Variants in ST6GALNAC3 observed in about 807,000 individuals in gnomAD.
ST6GALNAC3 encodes ST6 N-acetylgalactosaminide alpha-2,6-sialyltransferase 3, also known as alpha-N-acetylgalactosaminide alpha-2,6-sialyltransferase 3.
Under a neutral mutation model 32.7 loss-of-function variants are expected in ST6GALNAC3, and 25 were observed. The observed-to-expected ratio is 0.76, with a 90% CI of 0.56 to 1.07. The LOEUF is 1.07. ST6GALNAC3 is among the 50% of genes least tolerant of loss of function. The probability of loss-of-function intolerance (pLI) is 0.00; values close to 1 mark genes in which losing one functional copy is unlikely to be tolerated. For missense variants in ST6GALNAC3, 355 were observed against 382.4 expected (o/e 0.93, Z 0.60); for synonymous variants, 129 against 133.1 (o/e 0.97, Z 0.21).
intron 1 of ST6GALNAC3, among the ~76,000 whole-genome samples, chr1:76,208,418 C>T (rs1257091827): frequency 1.3e-5 from 2 of 152,200 alleles, no homozygotes; most frequent in African/African-American, 4.8e-5. Context: ...AGATTAAAGT[C>T]TATGAAAAGA....
intron 3 of ST6GALNAC3, among the ~76,000 whole-genome samples, chr1:76,446,803 C>T (rs916855514): frequency 6.6e-6 from 1 of 152,154 alleles, no homozygotes; most frequent in Non-Finnish European, 1.5e-5. Context: ...TTGATTTGCT[C>T]CTCCTTGCCT....
intron 1 of ST6GALNAC3, among the ~76,000 whole-genome samples, chr1:76,172,950 A>T (rs1343440823): frequency 6.6e-6 from 1 of 152,168 alleles, no homozygotes; most frequent in Non-Finnish European, 1.5e-5. Flanking sequence ...CTATCAAACT[A>T]CCATTGATAT....
At chr1:76,125,542 T>G (rs184432053) in intron 1 of ST6GALNAC3, among the ~76,000 whole-genome samples, 1 of 152,214 alleles carries the variant, frequency 6.6e-6, no homozygotes, top group African/African-American at 2.4e-5. Context: ...CTTTTTTAAC[T>G]GGCAGGGCAA....
Position 76,351,919 on chromosome 1 carries a change from A to T in ST6GALNAC3, c.213+37920A>T, listed in dbSNP as rs150075073. On this transcript the variant is annotated intron_variant, in intron 2 of 4. Coordinates refer to ENST00000328299, the MANE Select transcript of ST6GALNAC3 (RefSeq NM_152996.4). ...CTCATCCCCTGGGATGTGAAAATTC[A>T]TGTTGAGGAGGTTGGGGTGGGGGAA... is the stretch of plus-strand genomic sequence containing the variant. 3.1e-3 allele frequency among the ~76,000 whole-genome samples: 466 copies of T among 152,232 alleles called. 3 individuals carry two copies. The highest frequency in any genetic ancestry group is 0.01 in the African/African-American group (428 of 41,562).
chr1:76,611,973 A>G (rs933731139), intron 3 of ST6GALNAC3, among the ~76,000 whole-genome samples: 2 of 152,240 alleles, frequency 1.3e-5, no homozygotes, highest in African/African-American at 2.4e-5. Flanking sequence ...TCTCAGTTCC[A>G]ACACCTCACA....
At chr1:76,093,916 G>C (rs1046561996) in intron 1 of ST6GALNAC3, among the ~76,000 whole-genome samples, 4 of 152,198 alleles carry the variant, frequency 2.6e-5, no homozygotes, top group Admixed American at 2.6e-4. Context: ...GCTGCTGTGG[G>C]TTACCTTTCA....
intron 1 of ST6GALNAC3, among the ~76,000 whole-genome samples, chr1:76,183,868 ATATATG>A (rs955361911): frequency 4.1e-5 from 6 of 146,516 alleles, no homozygotes; most frequent in African/African-American, 1.5e-4. Flanking sequence ...ATATATATAT[ATATATG>A]TATGTTACTG....
intron 1 of ST6GALNAC3, among the ~76,000 whole-genome samples, chr1:76,278,377 A>G (rs1441029142): frequency 6.6e-6 from 1 of 151,932 alleles, no homozygotes; most frequent in African/African-American, 2.4e-5. Context: ...GCCCGCCACC[A>G]TGCCCAGCTA....
chr1:76,246,586 C>T (rs1657271942), intron 1 of ST6GALNAC3, among the ~76,000 whole-genome samples: 1 of 149,760 alleles, frequency 6.7e-6, no homozygotes. Context: ...CCTTCAGGAG[C>T]TCTTGATTTG....
intron 3 of ST6GALNAC3, among the ~76,000 whole-genome samples, chr1:76,453,333 G>T (rs559985343): frequency 1.3e-5 from 2 of 151,980 alleles, no homozygotes; most frequent in South Asian, 2.1e-4. Context: ...GGTTTGGTTT[G>T]TTCTTGTTTC....
At chr1:76,132,844 TC>T (rs1486673690) in intron 1 of ST6GALNAC3, among the ~76,000 whole-genome samples, 1 of 152,216 alleles carries the variant, frequency 6.6e-6, no homozygotes, top group Non-Finnish European at 1.5e-5. Context: ...GACAGCTTCA[TC>T]TACGTCCTGT....
chr1:76,584,409 G>A (rs571919718), intron 3 of ST6GALNAC3, among the ~76,000 whole-genome samples: 54 of 152,326 alleles, frequency 3.5e-4, no homozygotes, highest in Non-Finnish European at 6.5e-4. Context: ...GTGATGCAAA[G>A]CCCAATTCCT....
chr1:76,184,561 ACG>A (rs1491559300), intron 1 of ST6GALNAC3, among the ~76,000 whole-genome samples: 6 of 150,204 alleles, frequency 4.0e-5, no homozygotes, highest in African/African-American at 1.5e-4. Context: ...ACACACACAC[ACG>A]AAACATATGG....
intron 1 of ST6GALNAC3, among the ~76,000 whole-genome samples, chr1:76,201,243 A>G (rs1654498195): frequency 5.3e-5 from 8 of 152,218 alleles, no homozygotes; most frequent in Admixed American, 5.2e-4. Flanking sequence ...CGACATGGCC[A>G]GCGAGGTCTC....
chr1:76,314,389 C>G (rs1646826864), intron 2 of ST6GALNAC3, among the ~76,000 whole-genome samples: 1 of 152,092 alleles, frequency 6.6e-6, no homozygotes, highest in African/African-American at 2.4e-5. Context: ...TTCAAAAATG[C>G]ATTTATACTC....
chr1:76,568,215 A>G (rs113343665), intron 3 of ST6GALNAC3, among the ~76,000 whole-genome samples: 2 of 152,178 alleles, frequency 1.3e-5, no homozygotes, highest in African/African-American at 4.8e-5. Context: ...AGGCTTAGAG[A>G]GGTCTAGTGG....
intron 1 of ST6GALNAC3, among the ~76,000 whole-genome samples, chr1:76,244,269 AAT>A (rs1657133205): frequency 6.6e-6 from 1 of 152,064 alleles, no homozygotes; most frequent in Non-Finnish European, 1.5e-5. Context: ...GGTGTATAGG[AAT>A]GCTCGTGATT....
intron 3 of ST6GALNAC3, among the ~76,000 whole-genome samples, chr1:76,610,886 T>C (rs1241052667): frequency 6.6e-6 from 1 of 152,180 alleles, no homozygotes; most frequent in African/African-American, 2.4e-5. Flanking sequence ...CGAAATACCT[T>C]AGCCATGCAT....
downstream of ST6GALNAC3, chr1:76,636,769 A>G (rs1350586946): frequency 6.6e-6 from 1 of 152,078 alleles, no homozygotes; most frequent in Admixed American, 6.6e-5. Flanking sequence ...TATCTTGGAG[A>G]AAGTACTTCG....
Sources: gnomAD v4.1 joint callset for allele counts (sites outside exome capture counted in the v4.1 genomes callset) on GRCh38, gnomAD v4.1.1 for gene constraint, MANE v1.5 for transcripts, NCBI Gene and HGNC (gene_info 2026-07-23, HGNC 2026-07-21) for gene names.